The following MCTP1 variants were observed in gnomAD, a reference collection of about 807,000 sequenced individuals.
The protein encoded by MCTP1 is multiple C2 and transmembrane domain containing 1.
In MCTP1, 69 loss-of-function variants were observed where a neutral mutation model predicts 120.6. That is an observed-to-expected ratio of 0.57 (90% CI 0.47 to 0.70). MCTP1 has a LOEUF of 0.70. Ranked by LOEUF, MCTP1 falls within the 30% of genes least tolerant of loss-of-function variation. The pLI is 0.00. For synonymous variants in MCTP1, 529 were observed against 493.1 expected, an observed-to-expected ratio of 1.07 and a Z score of -0.96; for missense variants, 1,203 against 1,248.8, an observed-to-expected ratio of 0.96 and a Z score of 0.55.
Position 95,283,970 on chromosome 5 carries a change from C to T in MCTP1, c.606G>A (p.Pro202=), listed in dbSNP as rs1418692277. 1 of 1,429,964 alleles carries T rather than the reference C, an allele frequency of 7.0e-7. No homozygotes were observed. The highest frequency in any genetic ancestry group is 9.1e-7 in the Non-Finnish European group (1 of 1,096,094). The allele number at this position is 1,429,964 out of a possible 1,614,324, so 88.6% of individuals were successfully genotyped here. A position where few individuals can be genotyped will look rare whatever the true frequency, so the allele number is the denominator to read the frequency against. The change falls in exon 1 of 23, where the codon CCG becomes CCA. Residue 202 remains proline, a synonymous_variant. Coordinates refer to ENST00000515393, the MANE Select transcript of MCTP1 (RefSeq NM_024717.7). ...GCAGCTGCTCCAGGCAGGCGGTGCC[C>T]GGCAGAGAGGAGCTCTTCTGGTGGC... ...HLCHQKSSSL[P]GTACLEQLLE...
chr5:95,262,924 T>G (rs1758587182), intron 1 of MCTP1, among the ~76,000 whole-genome samples: 1 of 152,226 alleles, frequency 6.6e-6, no homozygotes. Context: ...CAATTTGATT[T>G]CGCATTATGG....
At chr5:94,718,959 G>A (rs764721882) in intron 19 of MCTP1, among the ~76,000 whole-genome samples, 11 of 152,168 alleles carry the variant, frequency 7.2e-5, no homozygotes, top group Non-Finnish European at 1.3e-4. Flanking sequence ...GACCCCAGGT[G>A]ATCCACCCAC....
intron 1 of MCTP1, among the ~76,000 whole-genome samples, chr5:95,271,359 C>G (rs905572929): frequency 6.6e-6 from 1 of 152,072 alleles, no homozygotes; most frequent in Non-Finnish European, 1.5e-5. Context: ...GTTCCTAATT[C>G]AGTTATTCAC....
chr5:94,806,648 C>A (rs1782373480), intron 17 of MCTP1, among the ~76,000 whole-genome samples: 1 of 152,178 alleles, frequency 6.6e-6, no homozygotes. Flanking sequence ...CAAAAAAAAT[C>A]ATTTAAGTTG....
chr5:94,758,505 G>T (rs1770503248), intron 19 of MCTP1, among the ~76,000 whole-genome samples: 1 of 152,156 alleles, frequency 6.6e-6, no homozygotes, highest in East Asian at 1.9e-4. Flanking sequence ...TTTCTGTGCT[G>T]TGGGTATGTA....
intron 1 of MCTP1, among the ~76,000 whole-genome samples, chr5:95,019,258 C>T (rs955348404): frequency 5.3e-5 from 8 of 152,072 alleles, no homozygotes; most frequent in East Asian, 1.9e-4. Flanking sequence ...TTTCACCTCA[C>T]TTGTTTACCC....
chr5:94,953,086 C>A (rs6892227), intron 3 of MCTP1, 133 bp downstream of exon 3: 264,568 of 729,628 alleles, frequency 0.36, 49,624 homozygotes, highest in Middle Eastern at 0.43. Flanking sequence ...TCATATTATC[C>A]ATAGATTAGA....
intron 19 of MCTP1, among the ~76,000 whole-genome samples, chr5:94,741,070 C>T (rs1378548259): frequency 3.9e-5 from 6 of 152,158 alleles, no homozygotes; most frequent in Non-Finnish European, 7.4e-5. Context: ...GGCACCTGCT[C>T]GGCCATCTTG....
chr5:95,054,610 C>G (rs1301898493), intron 1 of MCTP1, among the ~76,000 whole-genome samples: 1 of 152,134 alleles, frequency 6.6e-6, no homozygotes, highest in Non-Finnish European at 1.5e-5. Flanking sequence ...TTTACAGGAG[C>G]AGAGGTCCCC....
chr5:95,171,050 A>T (rs546723060), intron 1 of MCTP1, among the ~76,000 whole-genome samples: 1 of 152,028 alleles, frequency 6.6e-6, no homozygotes, highest in African/African-American at 2.4e-5. Flanking sequence ...GGCTGGTACC[A>T]GTTGTTCCTT....
At chr5:95,094,792 A>G (rs1367175035) in intron 1 of MCTP1, among the ~76,000 whole-genome samples, 1 of 152,130 alleles carries the variant, frequency 6.6e-6, no homozygotes, top group East Asian at 1.9e-4. Context: ...TATCCTGAGT[A>G]TACTATTAGC....
intron 2 of MCTP1, among the ~76,000 whole-genome samples, chr5:95,011,046 A>G (rs1390963113): frequency 6.6e-6 from 1 of 152,104 alleles, no homozygotes; most frequent in Admixed American, 6.6e-5. Flanking sequence ...GGAGTTCGTG[A>G]TGTCTGCATG....
At chr5:94,930,847 A>C (rs1238715924) in intron 6 of MCTP1, 1 of 152,164 alleles carries the variant, frequency 6.6e-6, no homozygotes, top group Non-Finnish European at 1.5e-5. Context: ...TTTCTTCAAA[A>C]CATCTTGAAA....
chr5:94,893,590 T>C (rs1021597133), intron 11 of MCTP1, among the ~76,000 whole-genome samples: 1 of 152,218 alleles, frequency 6.6e-6, no homozygotes, highest in Non-Finnish European at 1.5e-5. Context: ...GCTGATTCAG[T>C]GGAGATAGCC....
At chr5:95,123,325 TAA>T in intron 1 of MCTP1, among the ~76,000 whole-genome samples, 1 of 152,054 alleles carries the variant, frequency 6.6e-6, no homozygotes, top group Admixed American at 6.5e-5. Context: ...ATATAATATG[TAA>T]AGAGTCTGAT....
intron 17 of MCTP1, among the ~76,000 whole-genome samples, chr5:94,805,579 G>A (rs1176144615): frequency 6.6e-6 from 1 of 152,106 alleles, no homozygotes; most frequent in African/African-American, 2.4e-5. Flanking sequence ...AGTGAGCCGT[G>A]ATTGCACCAC....
Position 95,168,396 on chromosome 5 carries a change from T to C in MCTP1, c.720+115460A>G, listed in dbSNP as rs558287955. Among the ~76,000 whole-genome samples the C allele has an allele frequency of 2.0e-4, 30 of 152,302 alleles. 1 individual carries two copies. The South Asian group carries it at 5.6e-3, about 28-fold the overall frequency. On this transcript the variant is annotated intron_variant, in intron 1 of 22. Transcript: ENST00000515393. ...CAATGTGGGCTCTTTTTTGGTTCCA[T>C]ATGAACTTTAAAGTAGTTTTTTCCA...
At chr5:94,834,639 C>T (rs928716529) in intron 17 of MCTP1, among the ~76,000 whole-genome samples, 3 of 152,028 alleles carry the variant, frequency 2.0e-5, no homozygotes, top group African/African-American at 4.8e-5. Flanking sequence ...GAGAAAGAGA[C>T]ATCATAGCGC....
chr5:95,189,062 A>G (rs149188040), intron 1 of MCTP1, among the ~76,000 whole-genome samples: 2 of 152,324 alleles, frequency 1.3e-5, no homozygotes, highest in African/African-American at 4.8e-5. Flanking sequence ...GCATTTTCAT[A>G]ACAGTCCTAG....
Sources: allele counts gnomAD v4.1 joint callset (sites outside exome capture counted in the v4.1 genomes callset), GRCh38; gene constraint gnomAD v4.1.1; transcripts MANE v1.5; gene names NCBI Gene and HGNC (gene_info 2026-07-23, HGNC 2026-07-21).